Variants in PCNX2 observed in about 807,000 individuals in gnomAD.
PCNX2 encodes the protein pecanex-like protein 2.
A neutral mutation model predicts 223.8 loss-of-function variants in PCNX2; 168 were observed. That is an observed-to-expected ratio of 0.75 (90% CI 0.66 to 0.85). PCNX2 has a LOEUF of 0.85. PCNX2 is among the 40% of genes least tolerant of loss of function. The pLI, the probability that PCNX2 is intolerant of heterozygous loss-of-function variation, is 0.00. For missense variants in PCNX2, 2,507 were observed against 2,675.5 expected, an observed-to-expected ratio of 0.94 and a Z score of 1.39; for synonymous variants, 1,006 against 1,052.6, an observed-to-expected ratio of 0.96 and a Z score of 0.86.
chr1:233,130,135 C>T (rs1011060171), intron 21 of PCNX2, among the ~76,000 whole-genome samples: 2 of 152,128 alleles, frequency 1.3e-5, no homozygotes, highest in Non-Finnish European at 2.9e-5. Context: ...GCCAGCGAGA[C>T]CACGAACCCA....
chr1:233,143,171 CCTT>C (rs1217714569), intron 19 of PCNX2, among the ~76,000 whole-genome samples: 2 of 152,186 alleles, frequency 1.3e-5, no homozygotes, highest in Non-Finnish European at 2.9e-5. Context: ...CCTGTACACA[CCTT>C]CTCTTCCTCA....
At position 233,179,100 on chromosome 1, in the gene PCNX2, G is replaced by T. The variant is rs1415314147; in HGVS notation, c.3142C>A (p.Leu1048Met). Residue 1048 changes from leucine to methionine, a missense_variant, in exon 16 of 34, where the codon CTG (leucine) becomes ATG (methionine). Coordinates refer to ENST00000258229, the MANE Select transcript of PCNX2 (RefSeq NM_014801.4). ...GATGGGTCACTGCTCTGACGGCTCA[G>T]ATGGTAAGAAAGGGCGACCAAGAGG... ...CGLLVALSYH[L>M]SRQSSDPSVL... 1 of 1,613,866 alleles carries T rather than the reference G, an allele frequency of 6.2e-7. No homozygotes were observed. Among genetic ancestry groups the T allele is most frequent in the Admixed American group, 1.7e-5 (1 of 60,030 alleles).
chr1:233,092,769 G>T (rs1458360566), intron 22 of PCNX2, among the ~76,000 whole-genome samples: 2 of 152,102 alleles, frequency 1.3e-5, no homozygotes, highest in African/African-American at 4.8e-5. Context: ...CACTTAAAAT[G>T]AAAACATCAA....
chr1:233,197,502 C>T (rs547782171), intron 15 of PCNX2, among the ~76,000 whole-genome samples: 17 of 152,174 alleles, frequency 1.1e-4, no homozygotes, highest in African/African-American at 3.4e-4. Flanking sequence ...GAAAGAACAC[C>T]GGAAACACTG....
chr1:233,045,650 G>A (rs1235827877), intron 25 of PCNX2, among the ~76,000 whole-genome samples: 1 of 152,172 alleles, frequency 6.6e-6, no homozygotes, highest in Non-Finnish European at 1.5e-5. Flanking sequence ...GAGCACACAC[G>A]TGAAATCTTG....
chr1:233,112,893 C>G, intron 21 of PCNX2: 1 of 1,289,232 alleles, frequency 7.8e-7, no homozygotes, highest in African/African-American at 1.5e-5. Context: ...TTCAGCCCCT[C>G]CCATGAGATG....
intron 23 of PCNX2, among the ~76,000 whole-genome samples, chr1:233,065,945 A>C (rs1672586044): frequency 6.6e-6 from 1 of 152,164 alleles, no homozygotes; most frequent in African/African-American, 2.4e-5. Flanking sequence ...GTTCTAGATA[A>C]AGTCCCCAAC....
intron 19 of PCNX2, among the ~76,000 whole-genome samples, chr1:233,152,662 G>A (rs1055947377): frequency 6.6e-6 from 1 of 152,138 alleles, no homozygotes; most frequent in Non-Finnish European, 1.5e-5. Flanking sequence ...ACCTATTGAT[G>A]AAAATTTCAA....
At chr1:233,167,019 C>T (rs144544330) in intron 17 of PCNX2, among the ~76,000 whole-genome samples, 1 of 152,032 alleles carries the variant, frequency 6.6e-6, no homozygotes, top group East Asian at 1.9e-4. Flanking sequence ...TACCACGTGC[C>T]CCAGCAACCT....
intron 25 of PCNX2, among the ~76,000 whole-genome samples, chr1:233,042,661 C>G (rs373334240): frequency 5.7e-4 from 87 of 152,224 alleles, no homozygotes; most frequent in African/African-American, 2.0e-3. Context: ...GATGGACTGT[C>G]AAAGCTGGGA....
chr1:233,206,011 A>G (rs1274353608), intron 13 of PCNX2, among the ~76,000 whole-genome samples: 1 of 152,140 alleles, frequency 6.6e-6, no homozygotes, highest in African/African-American at 2.4e-5. Context: ...ATAATGAAGG[A>G]CGGGGGAGGC....
At chr1:233,014,597 C>G (rs1670583747) in intron 28 of PCNX2, 68 bp downstream of exon 28, 1 of 1,245,832 alleles carries the variant, frequency 8.0e-7, no homozygotes, top group South Asian at 1.3e-5. Flanking sequence ...AAATGATTGA[C>G]AAAATCTGTC....
Position 233,177,577 on chromosome 1 carries a change from A to G in PCNX2, c.3273+225T>C, listed in dbSNP as rs918221065. Among the ~76,000 whole-genome samples the G allele has an allele frequency of 5.9e-5, 9 of 152,292 alleles. No homozygotes were observed. In the South Asian group the frequency reaches 1.7e-3, roughly 28 times the overall value. Reference sequence around the variant, plus strand: ...AAAAATGGCCTTGCTGAGTAAGTTAAATTTACTTTCAAGTGATATTCTTTA... The same window carrying G: ...AAAAATGGCCTTGCTGAGTAAGTTAGATTTACTTTCAAGTGATATTCTTTA... On this transcript the variant is annotated intron_variant, in intron 17 of 33. Coordinates refer to ENST00000258229, the MANE Select transcript of PCNX2 (RefSeq NM_014801.4).
At chr1:233,256,739 T>C (rs1176293314) in intron 5 of PCNX2, among the ~76,000 whole-genome samples, 1 of 152,204 alleles carries the variant, frequency 6.6e-6, no homozygotes, top group Non-Finnish European at 1.5e-5. Context: ...ATTAGATAGA[T>C]GATAAACACC....
In PCNX2 at chr1:232,983,481, G is replaced by T. The variant is rs1403020908; in HGVS notation, c.*823C>A. On this transcript the variant is annotated 3_prime_UTR_variant, in exon 34 of 34. Transcript: ENST00000258229. ...CAAAAACAAAGGTGTGTGCGATGTT[G>T]TGTGCACAGTAAGGGTTGCGGGGCT... The T allele has an allele frequency of 6.6e-6, 1 of 152,252 alleles. No individual in the cohort carries two copies. Among genetic ancestry groups the T allele is most frequent in the Non-Finnish European group, 1.5e-5 (1 of 68,050 alleles). The allele number at this position is 152,252 out of a possible 1,614,324, so 9.4% of individuals were successfully genotyped here.
the PCNX2 span, among the ~76,000 whole-genome samples, chr1:233,312,122 TG>T: frequency 6.6e-6 from 1 of 152,108 alleles, no homozygotes; most frequent in East Asian, 1.9e-4. Context: ...AGCAAAACTC[TG>T]TCTCAAAATA....
At position 233,000,643 on chromosome 1, in the gene PCNX2, C is replaced by A. The variant is rs879912204; in HGVS notation, c.5098-108G>T. The A allele has an allele frequency of 3.2e-5, 26 of 810,410 alleles. No individual in the cohort carries two copies. The Admixed American group carries it at 6.3e-4, about 20-fold the overall frequency. The allele number at this position is 810,410 out of a possible 1,614,324, so 50.2% of individuals were successfully genotyped here. A position where few individuals can be genotyped will look rare whatever the true frequency, so the allele number is the denominator to read the frequency against. On this transcript the variant is annotated intron_variant, in intron 29 of 33. Coordinates refer to ENST00000258229, the MANE Select transcript of PCNX2 (RefSeq NM_014801.4). The surrounding 1 kb of genome is among the most constrained non-coding windows in gnomAD (Gnocchi z 4.6). ...GTGACCTCCAAAGCTAAGCTCTTTCCTCATCTTCCTCTCTCCTGTTCTTTT... is the reference window on the plus strand; with the variant it reads ...GTGACCTCCAAAGCTAAGCTCTTTCATCATCTTCCTCTCTCCTGTTCTTTT...
chr1:233,244,837 C>T (rs1659006541), intron 8 of PCNX2, among the ~76,000 whole-genome samples: 1 of 152,246 alleles, frequency 6.6e-6, no homozygotes. Context: ...GCTGTACCTT[C>T]CCACTTATAA....
At chr1:233,056,402 T>C (rs1672192395) in intron 24 of PCNX2, among the ~76,000 whole-genome samples, 2 of 152,226 alleles carry the variant, frequency 1.3e-5, no homozygotes. Flanking sequence ...ACAGCAACTA[T>C]GATTAACTAA....
Sources: allele counts gnomAD v4.1 joint callset (sites outside exome capture counted in the v4.1 genomes callset), GRCh38; gene constraint gnomAD v4.1.1; non-coding constraint Gnocchi (gnomAD v3.1); transcripts MANE v1.5; gene names NCBI Gene and HGNC (gene_info 2026-07-23, HGNC 2026-07-21).